The following BRPF1 variants were observed in gnomAD, a reference collection of about 807,000 sequenced individuals.
BRPF1 encodes peregrin.
Under a neutral mutation model 115.0 loss-of-function variants are expected in BRPF1, and 15 were observed. That is an observed-to-expected ratio of 0.13 (90% CI 0.09 to 0.20). The LOEUF (loss-of-function observed/expected upper bound fraction) is 0.20. Ranked by LOEUF, BRPF1 falls within the 10% of genes least tolerant of loss-of-function variation. The pLI is 1.00. For missense variants in BRPF1, 1,118 were observed against 1,638.3 expected, an observed-to-expected ratio of 0.68 and a Z score of 5.48; for synonymous variants, 647 against 619.8, an observed-to-expected ratio of 1.04 and a Z score of -0.65.
At chr3:9,746,151 C>T in intron 12 of BRPF1, 149 bp from the exon 13 acceptor site, 5 of 1,182,362 alleles carry the variant, frequency 4.2e-6, no homozygotes, top group Non-Finnish European at 5.9e-6. Context: ...AATAATTTAG[C>T]ATGGAAAGAA....
At position 9,741,369 on chromosome 3, in the gene BRPF1, G is replaced by A. The variant is rs1307910647; in HGVS notation, c.1784G>A (p.Arg595Gln). ...KEQLKSWQRL[R>Q]HDLERARLLV... The stretch of plus-strand genomic sequence containing the variant: ...CAGCTCAAGTCCTGGCAGCGGCTCC[G>A]GCATGACTTGGAGCGAGCTCGGCTG... Residue 595 changes from arginine to glutamine, a missense_variant, in exon 5 of 14, where the codon CGG becomes CAG. Arg to Gln is a conservative substitution (Grantham distance 43). Coordinates refer to ENST00000383829, the MANE Select transcript of BRPF1 (RefSeq NM_001003694.2). 6.2e-7 allele frequency: 1 copy of A among 1,609,276 alleles called. No individual in the cohort carries two copies. Among genetic ancestry groups the A allele is most frequent in the Non-Finnish European group, 8.5e-7 (1 of 1,176,618 alleles).
chr3:9,741,263 C>T, intron 4 of BRPF1, 45 bp from the exon 5 acceptor site: 1 of 1,528,840 alleles, frequency 6.5e-7, no homozygotes, highest in African/African-American at 1.4e-5. Context: ...TTGACCTTTC[C>T]TCTGGCTTTC....
chr3:9,736,727 G>C (rs919415809), intron 2 of BRPF1, among the ~76,000 whole-genome samples: 9 of 152,224 alleles, frequency 5.9e-5, no homozygotes, highest in African/African-American at 2.2e-4. Flanking sequence ...CATGGAATTT[G>C]TTACCACTGT....
rs373022777 is a variant in BRPF1 at position 9,747,119 on chromosome 3, C to T, written c.3480-47C>T. On this transcript the variant is annotated intron_variant, in intron 13 of 13. Coordinates refer to ENST00000383829, the MANE Select transcript of BRPF1 (RefSeq NM_001003694.2). This position sits in a 1 kb window ranked among gnomAD's most constrained non-coding sequence, Gnocchi z 5.6. ...AGTGAATAGAGGAGGAAGGCTGGTC[C>T]TTGTTCTCCCTGAGATGATTTATTT... The T allele has an allele frequency of 6.2e-7, 1 of 1,605,276 alleles. No homozygotes were observed. Among genetic ancestry groups the T allele is most frequent in the Non-Finnish European group, 8.5e-7 (1 of 1,173,986 alleles).
intron 1 of BRPF1, chr3:9,732,623 C>G (rs1047239975): frequency 6.6e-6 from 1 of 152,334 alleles, no homozygotes; most frequent in African/African-American, 2.4e-5. Flanking sequence ...CACCCGGGAC[C>G]CAGCTTGGAA....
Position 9,747,047 on chromosome 3 carries a change from G to A in BRPF1, c.3480-119G>A. 1 of 1,081,256 alleles carries A rather than the reference G, an allele frequency of 9.2e-7. No individual in the cohort carries two copies. 67.0% of individuals were successfully genotyped at this position (1,081,256 alleles called of 1,614,324 possible). A position where few individuals can be genotyped will look rare whatever the true frequency, so the allele number is the denominator to read the frequency against. ...CCATGAACAGTCCTTTGAGGGCAGGGACCATCACAGAGTCTGGCCAGAGTG... is the reference window on the plus strand; with the variant it reads ...CCATGAACAGTCCTTTGAGGGCAGGAACCATCACAGAGTCTGGCCAGAGTG... On this transcript the variant is annotated intron_variant, in intron 13 of 13. Transcript: ENST00000383829. The surrounding 1 kb of genome is among the most constrained non-coding windows in gnomAD (Gnocchi z 5.6).
chr3:9,739,090 C>T lies in BRPF1; in HGVS notation c.691C>T (p.Arg231Cys), dbSNP rs1399337973. 6.2e-6 allele frequency: 10 copies of T among 1,613,410 alleles called. No individual in the cohort carries two copies. The highest frequency in any genetic ancestry group is 1.3e-5 in the African/African-American group (1 of 74,888). ...CATCTGGCTGGATATCATGAATGAG[C>T]GTCGGAAGACAGAGGGTGTAAGTCC... Reference protein sequence around the residue: ...DYIWLDIMNERRKTEGVSPIP... With the variant: ...DYIWLDIMNECRKTEGVSPIP... Residue 231 changes from arginine to cysteine, a missense_variant, in exon 3 of 14, where the codon CGT (arginine) becomes TGT (cysteine). Transcript: ENST00000383829.
chr3:9,733,191 C>T (rs375228770), intron 1 of BRPF1: 12 of 152,314 alleles, frequency 7.9e-5, no homozygotes, highest in East Asian at 3.9e-4. Context: ...CTACCCAGTA[C>T]CAGGGCCAGG....
rs762177440 is a variant in BRPF1, at chr3:9,745,616, C to T, written c.3112C>T (p.Arg1038Trp). 10 of 1,614,184 alleles carry T rather than the reference C, an allele frequency of 6.2e-6. No individual in the cohort carries two copies. The highest frequency in any genetic ancestry group is 2.2e-5 in the East Asian group (1 of 44,886). ...KQGRGKPSFS[R>W]GTFPEDSSED... ...AGGCCGGGGCAAACCCTCCTTCTCTCGGGGCACTTTCCCAGAGGACAGCAG... is the reference window on the plus strand; with the variant it reads ...AGGCCGGGGCAAACCCTCCTTCTCTTGGGGCACTTTCCCAGAGGACAGCAG... Residue 1038 changes from arginine (R) to tryptophan (W), a missense_variant, in exon 11 of 14, where the codon CGG becomes TGG. Physicochemically the swap from Arg to Trp is moderately radical, Grantham distance 101 (BLOSUM62 -3). Coordinates refer to ENST00000383829, the MANE Select transcript of BRPF1 (RefSeq NM_001003694.2). This position sits in a 1 kb window ranked among gnomAD's most constrained non-coding sequence, Gnocchi z 5.1.
chr3:9,742,258 G>A, intron 6 of BRPF1, 87 bp downstream of exon 6: 4 of 1,555,908 alleles, frequency 2.6e-6, no homozygotes, highest in Non-Finnish European at 3.5e-6. Context: ...GACTAGATGG[G>A]GACCTTGAAG....
chr3:9,732,314 G>A lies in BRPF1; in HGVS notation c.-11+176G>A, dbSNP rs547105742. ...CTGGGGCAACAGTGTATCTTTCGGGGCTGCCCGGGCTAGTGGCAGGCGGGG... is the reference window on the plus strand; with the variant it reads ...CTGGGGCAACAGTGTATCTTTCGGGACTGCCCGGGCTAGTGGCAGGCGGGG... On this transcript the variant is annotated intron_variant, in intron 1 of 13. Transcript: ENST00000383829. Among the ~76,000 whole-genome samples, 17 of 152,330 alleles carry A rather than the reference G, an allele frequency of 1.1e-4. No homozygotes were observed. In the South Asian group the frequency reaches 3.5e-3, roughly 32 times the overall value.
intron 1 of BRPF1, chr3:9,733,501 A>G (rs1214200375): frequency 6.6e-6 from 1 of 152,338 alleles, no homozygotes; most frequent in Non-Finnish European, 1.5e-5. Context: ...CAGTATGTCA[A>G]GTGCTGTGGT....
chr3:9,738,800 T>G (rs1228104667), intron 2 of BRPF1, among the ~76,000 whole-genome samples, 199 bp from the exon 3 acceptor site: 1 of 152,228 alleles, frequency 6.6e-6, no homozygotes, highest in East Asian at 1.9e-4. Context: ...TGATTAACCT[T>G]CCAAGCCTTA....
chr3:9,746,680 C>G (rs940469738), intron 13 of BRPF1, among the ~76,000 whole-genome samples: 8 of 152,146 alleles, frequency 5.3e-5, no homozygotes, highest in African/African-American at 1.9e-4. Context: ...AAAGGACCAT[C>G]AGAGACTTAT....
chr3:9,739,971 C>A lies in BRPF1; in HGVS notation c.1559+13C>A. 1 of 1,550,044 alleles carries A rather than the reference C, an allele frequency of 6.5e-7. No homozygotes were observed. Among genetic ancestry groups the A allele is most frequent in the Admixed American group, 2.0e-5 (1 of 50,226 alleles). ...TCCCACCACACAGGTATGTGGGGAG[C>A]CGGTGGACAGGCAGATGAGGGAGAA... On this transcript the variant is annotated intron_variant, in intron 3 of 13. Transcript: ENST00000383829.
chr3:9,737,759 A>T (rs372134622), intron 2 of BRPF1, among the ~76,000 whole-genome samples: 2 of 152,236 alleles, frequency 1.3e-5, no homozygotes, highest in East Asian at 1.9e-4. Context: ...TTTTACACCA[A>T]GGTGCTCACA....
In BRPF1 at chr3:9,743,576, A is replaced by G. The variant is rs762813789; in HGVS notation, c.2312-2A>G. On this transcript the variant is annotated splice_acceptor_variant, in intron 7 of 13. Transcript: ENST00000383829. LOFTEE classifies it high-confidence loss of function. The surrounding 1 kb of genome is among the most constrained non-coding windows in gnomAD (Gnocchi z 6.1). Reference sequence around the variant, plus strand: ...ACCTTTCCCCTCCAACCCTACCCCTAGCAGCCGAGGAAGAGCGGCTGGTCT... The same window carrying G: ...ACCTTTCCCCTCCAACCCTACCCCTGGCAGCCGAGGAAGAGCGGCTGGTCT... The G allele has an allele frequency of 6.2e-7, 1 of 1,610,766 alleles. No individual in the cohort carries two copies. Among genetic ancestry groups the G allele is most frequent in the African/African-American group, 1.3e-5 (1 of 74,898 alleles).
chr3:9,732,309 TCGGGGCTGCC>T (rs1363143552), intron 1 of BRPF1, among the ~76,000 whole-genome samples, 171 bp downstream of exon 1: 2 of 152,192 alleles, frequency 1.3e-5, no homozygotes, highest in Non-Finnish European at 2.9e-5. Flanking sequence ...AGTGTATCTT[TCGGGGCTGCC>T]CGGGCTAGTG....
chr3:9,747,722 C>T lies in BRPF1; in HGVS notation c.*373C>T, dbSNP rs1015867529. ...CTGCCTAGAGGCCTGGGGCCCCTAC[C>T]GGTCGTGAGGTGAGTGGGCATCTGT... On this transcript the variant is annotated 3_prime_UTR_variant, in exon 14 of 14. Coordinates refer to ENST00000383829, the MANE Select transcript of BRPF1 (RefSeq NM_001003694.2). This position sits in a 1 kb window ranked among gnomAD's most constrained non-coding sequence, Gnocchi z 5.6. 4 of 184,892 alleles carry T rather than the reference C, an allele frequency of 2.2e-5. No individual in the cohort carries two copies. Among genetic ancestry groups the T allele is most frequent in the Admixed American group, 1.1e-4 (2 of 18,308 alleles). The allele number at this position is 184,892 out of a possible 1,614,324, so 11.5% of individuals were successfully genotyped here. A position where few individuals can be genotyped will look rare whatever the true frequency, so the allele number is the denominator to read the frequency against.
Sources: allele counts gnomAD v4.1 joint callset (sites outside exome capture counted in the v4.1 genomes callset), GRCh38; gene constraint gnomAD v4.1.1; non-coding constraint Gnocchi (gnomAD v3.1); transcripts MANE v1.5; gene names NCBI Gene and HGNC (gene_info 2026-07-23, HGNC 2026-07-21).